PAPPA2: variants seen among roughly 807,000 people sequenced by gnomAD.
The protein encoded by PAPPA2 is pappalysin-2.
In PAPPA2, 86 loss-of-function variants were observed where a neutral mutation model predicts 176.4. The ratio of observed to expected loss-of-function variants is 0.49; its 90% CI spans 0.41 to 0.58. The LOEUF (loss-of-function observed/expected upper bound fraction) is 0.58, where lower values mean the gene tolerates loss of function less well. Ranked by LOEUF, PAPPA2 falls within the 20% of genes least tolerant of loss-of-function variation. The pLI is 0.00. For synonymous variants in PAPPA2, 809 were observed against 852.2 expected (o/e 0.95, Z 0.88); for missense variants, 2,073 against 2,256.9 (o/e 0.92, Z 1.65).
At chr1:176,825,603 G>A (rs1571383484) in intron 21 of PAPPA2, among the ~76,000 whole-genome samples, 1 of 152,282 alleles carries the variant, frequency 6.6e-6, no homozygotes, top group Middle Eastern at 3.4e-3. Flanking sequence ...AGAAAAGAAA[G>A]GAGAGACTAG....
At chr1:176,527,116 T>G (rs1236737058) in intron 1 of PAPPA2, among the ~76,000 whole-genome samples, 2 of 152,178 alleles carry the variant, frequency 1.3e-5, no homozygotes, top group African/African-American at 4.8e-5. Context: ...GTGTCTTGAA[T>G]AAAACTATTT....
At chr1:176,488,815 TC>T (rs764544286) in intron 1 of PAPPA2, among the ~76,000 whole-genome samples, 3 of 152,170 alleles carry the variant, frequency 2.0e-5, no homozygotes, top group Non-Finnish European at 4.4e-5. Flanking sequence ...CCTTCTGCCA[TC>T]ACCTGCCCTC....
intron 3 of PAPPA2, among the ~76,000 whole-genome samples, chr1:176,620,605 T>C (rs1468353210): frequency 1.3e-5 from 2 of 152,196 alleles, no homozygotes; most frequent in African/African-American, 2.4e-5. Context: ...TCACAAACAA[T>C]ATGTAAATGA....
intron 2 of PAPPA2, among the ~76,000 whole-genome samples, chr1:176,582,049 G>A (rs200580492): frequency 2.0e-5 from 3 of 149,662 alleles, no homozygotes; most frequent in East Asian, 4.0e-4. Flanking sequence ...TCAGCCTCCC[G>A]AGTAGCTGGG....
chr1:176,557,384 T>C, intron 2 of PAPPA2, 143 bp downstream of exon 2: 3 of 923,640 alleles, frequency 3.2e-6, no homozygotes, highest in Non-Finnish European at 4.7e-6. Context: ...GGGAAGGGCC[T>C]TTATTAATCA....
chr1:176,544,509 G>A (rs1650522017), intron 1 of PAPPA2, among the ~76,000 whole-genome samples: 1 of 152,124 alleles, frequency 6.6e-6, no homozygotes, highest in African/African-American at 2.4e-5. Context: ...TTTCGAGTAG[G>A]AAATCCCGAC....
chr1:176,539,277 T>G (rs1181585523), intron 1 of PAPPA2, among the ~76,000 whole-genome samples: 1 of 152,096 alleles, frequency 6.6e-6, no homozygotes, highest in Non-Finnish European at 1.5e-5. Context: ...CTGAATAAAT[T>G]GTATGGGGTC....
chr1:176,463,969 A>G (rs183186509), intron 1 of PAPPA2, among the ~76,000 whole-genome samples: 277 of 152,316 alleles, frequency 1.8e-3, no homozygotes, highest in African/African-American at 6.3e-3. Flanking sequence ...GAGGAAAAGT[A>G]GGTTGAGGCA....
chr1:176,535,322 C>T (rs1650012362), intron 1 of PAPPA2, among the ~76,000 whole-genome samples: 1 of 152,124 alleles, frequency 6.6e-6, no homozygotes, highest in Non-Finnish European at 1.5e-5. Context: ...ACCCAGATTC[C>T]AGATGACTGG....
At chr1:176,686,826 T>G (rs1231025103) in intron 4 of PAPPA2, among the ~76,000 whole-genome samples, 1 of 152,054 alleles carries the variant, frequency 6.6e-6, no homozygotes, top group Non-Finnish European at 1.5e-5. Context: ...ACCCCCTCAT[T>G]TTACAGATGA....
At chr1:176,602,723 A>C (rs571498552) in intron 3 of PAPPA2, among the ~76,000 whole-genome samples, 97 of 152,214 alleles carry the variant, frequency 6.4e-4, no homozygotes, top group Non-Finnish European at 8.8e-4. Context: ...CAAAAAAAAA[A>C]CTGCCAGTTC....
At chr1:176,659,835 G>A (rs1658256921) in intron 3 of PAPPA2, among the ~76,000 whole-genome samples, 1 of 151,910 alleles carries the variant, frequency 6.6e-6, no homozygotes, top group African/African-American at 2.4e-5. Context: ...CTAGTGTTAG[G>A]GATGTCATTT....
intron 3 of PAPPA2, among the ~76,000 whole-genome samples, chr1:176,647,756 T>A (rs2102737800): frequency 6.6e-6 from 1 of 151,548 alleles, no homozygotes; most frequent in East Asian, 1.9e-4. Flanking sequence ...GTTCTCTACT[T>A]TGTTCCAACT....
At chr1:176,678,442 T>A (rs545543636) in intron 4 of PAPPA2, among the ~76,000 whole-genome samples, 12 of 151,278 alleles carry the variant, frequency 7.9e-5, no homozygotes, top group African/African-American at 1.5e-4. Flanking sequence ...TTTTTTTTTT[T>A]AAAGGAGCAT....
intron 3 of PAPPA2, chr1:176,616,311 A>G: frequency 1.9e-6 from 1 of 540,532 alleles, no homozygotes; most frequent in Non-Finnish European, 3.6e-6. Flanking sequence ...GGAATCTTTG[A>G]AGCGCAGCCG....
At chr1:176,623,606 C>CTTTCTTT (rs1558478951) in intron 3 of PAPPA2, among the ~76,000 whole-genome samples, 26 of 112,788 alleles carry the variant, frequency 2.3e-4, no homozygotes, top group African/African-American at 8.3e-4. Context: ...TTCCTTCCTT[C>CTTTCTTT]CTTCCTTCCT....
At chr1:176,770,037 G>A (rs1456727501) in intron 16 of PAPPA2, among the ~76,000 whole-genome samples, 2 of 152,152 alleles carry the variant, frequency 1.3e-5, no homozygotes, top group African/African-American at 2.4e-5. Context: ...TTGACAGTGT[G>A]TACCCCAGAG....
At chr1:176,750,468 G>A (rs1404879951) in intron 14 of PAPPA2, among the ~76,000 whole-genome samples, 2 of 152,044 alleles carry the variant, frequency 1.3e-5, no homozygotes. Context: ...AGCCTGGTGT[G>A]CTGGTGGGCA....
chr1:176,570,551 G>GA, intron 2 of PAPPA2, among the ~76,000 whole-genome samples: 1 of 152,034 alleles, frequency 6.6e-6, no homozygotes, highest in Admixed American at 6.5e-5. Flanking sequence ...TTGCACAATA[G>GA]AATATTCTTA....
Sources: allele counts gnomAD v4.1 joint callset (sites outside exome capture counted in the v4.1 genomes callset), GRCh38; gene constraint gnomAD v4.1.1; transcripts MANE v1.5; gene names NCBI Gene and HGNC (gene_info 2026-07-23, HGNC 2026-07-21).